AUTS2: variants seen among roughly 807,000 people sequenced by gnomAD.
The protein encoded by AUTS2 is autism susceptibility gene 2 protein.
AUTS2 carries 17 observed loss-of-function variants against 112.4 expected under a neutral mutation model. The observed-to-expected ratio is 0.15, with a 90% CI of 0.10 to 0.23. The LOEUF is 0.23. Ranked by LOEUF, AUTS2 falls within the 10% of genes least tolerant of loss-of-function variation. AUTS2 has a pLI of 1.00. For synonymous variants in AUTS2, 751 were observed against 702.7 expected (o/e 1.07, Z -1.09); for missense variants, 1,510 against 1,701.6 (o/e 0.89, Z 1.98).
At chr7:69,686,109 A>G (rs1487351578) in intron 1 of AUTS2, among the ~76,000 whole-genome samples, 1 of 152,214 alleles carries the variant, frequency 6.6e-6, no homozygotes, top group Non-Finnish European at 1.5e-5. Context: ...AGGTTATACC[A>G]AAGATAAATT....
intron 5 of AUTS2, among the ~76,000 whole-genome samples, chr7:70,545,593 T>G (rs1265853352): frequency 1.3e-5 from 2 of 152,236 alleles, no homozygotes; most frequent in Non-Finnish European, 2.9e-5. Context: ...CGTTCATGTT[T>G]GACCAGGCAT....
At chr7:70,517,338 A>G (rs1465668531) in intron 5 of AUTS2, among the ~76,000 whole-genome samples, 2 of 152,092 alleles carry the variant, frequency 1.3e-5, no homozygotes, top group African/African-American at 2.4e-5. Flanking sequence ...ACATTGGTAC[A>G]TGGGTTTGGT....
intron 1 of AUTS2, among the ~76,000 whole-genome samples, chr7:69,853,187 T>A (rs1298474099): frequency 6.6e-6 from 1 of 152,228 alleles, no homozygotes; most frequent in African/African-American, 2.4e-5. Flanking sequence ...TTACATTTGC[T>A]GATTTTCTGT....
intron 3 of AUTS2, among the ~76,000 whole-genome samples, chr7:70,129,902 TGTGTGTGTG>T (rs1806183356): frequency 1.4e-5 from 1 of 73,408 alleles, no homozygotes; most frequent in South Asian, 3.7e-4. Flanking sequence ...ATATATATAT[TGTGTGTGTG>T]TGTGTGTGTG....
chr7:69,639,439 A>G (rs1416302029), intron 1 of AUTS2, among the ~76,000 whole-genome samples: 1 of 151,968 alleles, frequency 6.6e-6, no homozygotes, highest in Non-Finnish European at 1.5e-5. Flanking sequence ...TGTAACATCT[A>G]CTCCAATCTT....
At chr7:70,104,834 C>G (rs1804685146) in intron 2 of AUTS2, among the ~76,000 whole-genome samples, 1 of 151,920 alleles carries the variant, frequency 6.6e-6, no homozygotes. Context: ...TGTGTTCTTT[C>G]TCTCTTTTTT....
rs1584267197 is a variant in AUTS2, at chr7:69,802,453, A to C, written c.310-96833A>C. ...GATAACTTACTCTGATTGATAACGG[A>C]AGGGCTTTTCTGTCTACTTCTGTCT... is the stretch of plus-strand genomic sequence containing the variant. On this transcript the variant is annotated intron_variant, in intron 1 of 18. Coordinates refer to ENST00000342771, the MANE Select transcript of AUTS2 (RefSeq NM_015570.4). Among the ~76,000 whole-genome samples, 2 of 152,076 alleles carry C rather than the reference A, an allele frequency of 1.3e-5. 1 individual carries two copies. Among genetic ancestry groups the C allele is most frequent in the South Asian group, 4.1e-4 (2 of 4,820 alleles).
intron 6 of AUTS2, among the ~76,000 whole-genome samples, chr7:70,750,475 ACCTCACCCTCCACCTCCCAGGCTCAGG>A (rs1788745959): frequency 2.5e-5 from 2 of 80,342 alleles, no homozygotes; most frequent in African/African-American, 2.2e-4. Context: ...TGTTCCTCCC[ACCTCACCCTCCACCTCCCAGGCTCAGG>A]TGTTCCTCCC....
chr7:70,179,311 C>T (rs558723658), intron 4 of AUTS2, among the ~76,000 whole-genome samples: 1 of 152,296 alleles, frequency 6.6e-6, no homozygotes, highest in South Asian at 2.1e-4. Flanking sequence ...GTTTATTTCT[C>T]AGGCCCTGAA....
At chr7:70,676,807 G>A (rs949234241) in intron 5 of AUTS2, among the ~76,000 whole-genome samples, 5 of 152,002 alleles carry the variant, frequency 3.3e-5, no homozygotes, top group Non-Finnish European at 7.4e-5. Flanking sequence ...AACCCAGGAG[G>A]TGGAGGTTGC....
chr7:70,670,484 G>A (rs1807577782), intron 5 of AUTS2, among the ~76,000 whole-genome samples: 1 of 152,224 alleles, frequency 6.6e-6, no homozygotes, highest in Non-Finnish European at 1.5e-5. Flanking sequence ...TTGGGGCTAA[G>A]TTCTTGCCGT....
intron 4 of AUTS2, among the ~76,000 whole-genome samples, chr7:70,246,738 A>G (rs924781046): frequency 7.9e-5 from 12 of 152,124 alleles, no homozygotes; most frequent in African/African-American, 2.9e-4. Flanking sequence ...TTCTCAAAAA[A>G]GTGAAATTTT....
intron 5 of AUTS2, among the ~76,000 whole-genome samples, chr7:70,618,147 C>T (rs1804476824): frequency 6.6e-6 from 1 of 152,206 alleles, no homozygotes; most frequent in South Asian, 2.1e-4. Flanking sequence ...TACCAATTAA[C>T]AGTTACGTTC....
At chr7:70,418,697 A>G (rs930318937) in intron 4 of AUTS2, among the ~76,000 whole-genome samples, 4 of 151,466 alleles carry the variant, frequency 2.6e-5, no homozygotes, top group Admixed American at 1.3e-4. Context: ...TGACGTTTAC[A>G]TGCCGTTGTG....
At chr7:69,840,793 C>A (rs2129528566) in intron 1 of AUTS2, among the ~76,000 whole-genome samples, 1 of 152,262 alleles carries the variant, frequency 6.6e-6, no homozygotes, top group Non-Finnish European at 1.5e-5. Flanking sequence ...TACTGAGAAA[C>A]TGTAGTTCTT....
chr7:70,646,482 A>G (rs1806166894), intron 5 of AUTS2, among the ~76,000 whole-genome samples: 1 of 152,230 alleles, frequency 6.6e-6, no homozygotes, highest in South Asian at 2.1e-4. Flanking sequence ...GTCAAATGTC[A>G]GAGGCCATTC....
intron 4 of AUTS2, among the ~76,000 whole-genome samples, chr7:70,138,896 G>T (rs1806709048): frequency 6.6e-6 from 1 of 152,096 alleles, no homozygotes; most frequent in African/African-American, 2.4e-5. Context: ...AATATTCTTT[G>T]CCCCTTTCTA....
intron 1 of AUTS2, among the ~76,000 whole-genome samples, chr7:69,770,040 T>C (rs1788594792): frequency 6.6e-6 from 1 of 152,206 alleles, no homozygotes; most frequent in Non-Finnish European, 1.5e-5. Flanking sequence ...GGTTGTTTCC[T>C]CCCAGATGGT....
intron 4 of AUTS2, among the ~76,000 whole-genome samples, chr7:70,197,362 C>T (rs1810233710): frequency 6.6e-6 from 1 of 151,868 alleles, no homozygotes; most frequent in Non-Finnish European, 1.5e-5. Context: ...ATAGGAACAG[C>T]TCCGGTCTAC....
Sources: allele counts gnomAD v4.1 joint callset (sites outside exome capture counted in the v4.1 genomes callset), GRCh38; gene constraint gnomAD v4.1.1; transcripts MANE v1.5; gene names NCBI Gene and HGNC (gene_info 2026-07-23, HGNC 2026-07-21).